RNF11: variants seen among roughly 807,000 people sequenced by gnomAD.
RNF11 encodes the protein ring finger protein 11.
In RNF11, 4 loss-of-function variants were observed where a neutral mutation model predicts 15.8. The observed-to-expected ratio is 0.25, with a 90% CI of 0.12 to 0.58. The LOEUF is 0.58. Among genes scored for constraint, RNF11 ranks in the 20% least tolerant of loss-of-function variants. The probability of loss-of-function intolerance (pLI) is 0.91; values close to 1 mark genes in which losing one functional copy is unlikely to be tolerated. For synonymous variants in RNF11, 68 were observed against 72.3 expected, an observed-to-expected ratio of 0.94 and a Z score of 0.30; for missense variants, 139 against 194.4, an observed-to-expected ratio of 0.71 and a Z score of 1.70.
At chr1:51,239,503 A>G (rs1646819425) in intron 1 of RNF11, among the ~76,000 whole-genome samples, 1 of 152,208 alleles carries the variant, frequency 6.6e-6, no homozygotes, top group Non-Finnish European at 1.5e-5. Flanking sequence ...CCCCAAAGAA[A>G]TAAGATCTGT....
intron 1 of RNF11, among the ~76,000 whole-genome samples, chr1:51,242,765 T>C (rs912013443): frequency 3.3e-5 from 5 of 152,166 alleles, no homozygotes; most frequent in Admixed American, 2.0e-4. Context: ...CTGCCTGTAA[T>C]GGTATATTAA....
rs145075866 is a variant in RNF11, at chr1:51,252,805, TTGTG to T, written c.123+15954_123+15957del. ...TCTTTTGTGAAGTCTTTTGTCCAGTTTGTGTGTGTGTGTGTGTGTGTGTGTGTGT... is the reference window on the plus strand; with the variant it reads ...TCTTTTGTGAAGTCTTTTGTCCAGTTTGTGTGTGTGTGTGTGTGTGTGTGT... On this transcript the variant is annotated intron_variant, in intron 1 of 2. Transcript: ENST00000242719. 8.5e-4 allele frequency among the ~76,000 whole-genome samples: 123 copies of T among 143,998 alleles called. No individual in the cohort carries two copies. The South Asian group carries it at 0.024, about 28-fold the overall frequency. The allele number at this position is 143,998 out of a possible 152,430, so 94.5% of individuals were successfully genotyped here.
intron 1 of RNF11, among the ~76,000 whole-genome samples, chr1:51,238,906 T>A (rs891904316): frequency 5.3e-5 from 8 of 152,132 alleles, no homozygotes; most frequent in Non-Finnish European, 8.8e-5. Context: ...ATTTTTGTAT[T>A]TTTAGTAAAG....
rs746135388 is a variant in RNF11, at chr1:51,236,725, C to T, written c.-32C>T. On this transcript the variant is annotated 5_prime_UTR_variant, in exon 1 of 3. Coordinates refer to ENST00000242719, the MANE Select transcript of RNF11 (RefSeq NM_014372.5). Reference sequence around the variant, plus strand: ...CGAACGACCCCACCGCTGCTTTCTCCTCCCCCAGATCACGCACCCCAGCTC... The same window carrying T: ...CGAACGACCCCACCGCTGCTTTCTCTTCCCCCAGATCACGCACCCCAGCTC... 3 of 1,607,494 alleles carry T rather than the reference C, an allele frequency of 1.9e-6. No homozygotes were observed. Among genetic ancestry groups the T allele is most frequent in the African/African-American group, 1.3e-5 (1 of 74,610 alleles).
At chr1:51,238,742 T>A (rs75838486) in intron 1 of RNF11, among the ~76,000 whole-genome samples, 1 of 151,872 alleles carries the variant, frequency 6.6e-6, no homozygotes, top group East Asian at 1.9e-4. Flanking sequence ...TTTTTTTTTT[T>A]AATGAGATGG....
intron 1 of RNF11, among the ~76,000 whole-genome samples, chr1:51,244,588 G>A (rs1160681877): frequency 3.3e-5 from 5 of 151,952 alleles, no homozygotes; most frequent in Admixed American, 6.6e-5. Context: ...GGGTTTCACC[G>A]TGGTCTTGAT....
intron 1 of RNF11, chr1:51,265,333 A>C (rs1447615656): frequency 2.6e-5 from 4 of 152,062 alleles, no homozygotes; most frequent in African/African-American, 9.7e-5. Context: ...CCAAAAAAAA[A>C]AAAAAAAAGA....
chr1:51,236,498 GCC>G lies in RNF11; in HGVS notation c.-247_-246del, dbSNP rs1157167039. 4,572 of 81,080 alleles carry G rather than the reference GCC, an allele frequency of 0.056. 112 individuals carry two copies. The highest frequency in any genetic ancestry group is 0.2 in the African/African-American group (4,002 of 20,270). 5.0% of individuals were successfully genotyped at this position (81,080 alleles called of 1,614,324 possible). On this transcript the variant is annotated 5_prime_UTR_variant, in exon 1 of 3. Coordinates refer to ENST00000242719, the MANE Select transcript of RNF11 (RefSeq NM_014372.5). ...GGGTGGGGAAGTGCTTCGTCTCCCC[GCC>G]CCCCCCCCCCCATCGCTGCCTCGCA...
chr1:51,257,400 A>G (rs1045007446), intron 1 of RNF11, among the ~76,000 whole-genome samples: 5 of 152,050 alleles, frequency 3.3e-5, no homozygotes, highest in East Asian at 1.9e-4. Flanking sequence ...GGTGGCCCCA[A>G]TTGGGTCCAC....
chr1:51,247,334 G>A (rs1245724049), intron 1 of RNF11, among the ~76,000 whole-genome samples: 1 of 152,122 alleles, frequency 6.6e-6, no homozygotes, highest in African/African-American at 2.4e-5. Flanking sequence ...TCCTGGTTCA[G>A]CCTCCCAAGT....
At position 51,251,111 on chromosome 1, in the gene RNF11, C is replaced by G; in HGVS notation, c.123+14232C>G. On this transcript the variant is annotated intron_variant, in intron 1 of 2. Transcript: ENST00000242719. ...CCCCGATAGCAACAAACGCCTTGAA[C>G]CTGGTGCGCTGGCCAGCACGGGTCT... 5 of 1,554,292 alleles carry G rather than the reference C, an allele frequency of 3.2e-6. No homozygotes were observed. The South Asian group carries it at 4.5e-5, about 14-fold the overall frequency.
At chr1:51,255,198 G>A (rs1646899054) in intron 1 of RNF11, among the ~76,000 whole-genome samples, 1 of 152,122 alleles carries the variant, frequency 6.6e-6, no homozygotes, top group African/African-American at 2.4e-5. Context: ...CATGCAATGT[G>A]TACATTATAG....
intron 1 of RNF11, among the ~76,000 whole-genome samples, chr1:51,262,066 G>A (rs1320767537): frequency 6.6e-6 from 1 of 152,174 alleles, no homozygotes; most frequent in East Asian, 1.9e-4. Flanking sequence ...TGTTGGCCAG[G>A]CTGGTCTCGA....
At chr1:51,238,599 G>C (rs557874848) in intron 1 of RNF11, among the ~76,000 whole-genome samples, 2 of 152,180 alleles carry the variant, frequency 1.3e-5, no homozygotes, top group African/African-American at 4.8e-5. Flanking sequence ...AGTTGTCACA[G>C]GGTAGTCTCT....
chr1:51,243,226 C>T (rs2148065296), intron 1 of RNF11, among the ~76,000 whole-genome samples: 1 of 152,178 alleles, frequency 6.6e-6, no homozygotes, highest in East Asian at 1.9e-4. Flanking sequence ...AGAATGTTAC[C>T]TTCCATATTG....
At chr1:51,264,142 A>C (rs1297096219) in intron 1 of RNF11, among the ~76,000 whole-genome samples, 4 of 150,682 alleles carry the variant, frequency 2.7e-5, no homozygotes, top group African/African-American at 9.8e-5. Flanking sequence ...CTGTAGTCCC[A>C]GCTACTCAGG....
At chr1:51,251,991 A>G (rs547709564) in intron 1 of RNF11, among the ~76,000 whole-genome samples, 1 of 145,560 alleles carries the variant, frequency 6.9e-6, no homozygotes, top group African/African-American at 2.5e-5. Flanking sequence ...AGGCAAGAGA[A>G]TTGCTTGAAT....
chr1:51,243,136 G>A (rs2148065248), intron 1 of RNF11, among the ~76,000 whole-genome samples: 1 of 151,998 alleles, frequency 6.6e-6, no homozygotes, highest in East Asian at 1.9e-4. Context: ...AGCTTTTGTT[G>A]CTTTAACAGT....
At position 51,236,899 on chromosome 1, in the gene RNF11, G is replaced by C. The variant is rs1569645121; in HGVS notation, c.123+20G>C. On this transcript the variant is annotated intron_variant, in intron 1 of 2. Coordinates refer to ENST00000242719, the MANE Select transcript of RNF11 (RefSeq NM_014372.5). ...TATCAGGTAGGGGAGGGTGTGTGTT[G>C]GGGGGAGCGAGTAGAGGCAGCTCTG... 1.6e-5 allele frequency: 26 copies of C among 1,598,734 alleles called. No homozygotes were observed. The highest frequency in any genetic ancestry group is 8.1e-5 in the African/African-American group (6 of 74,438).
Sources: gnomAD v4.1 joint callset for allele counts (sites outside exome capture counted in the v4.1 genomes callset) on GRCh38, gnomAD v4.1.1 for gene constraint, MANE v1.5 for transcripts, NCBI Gene and HGNC (gene_info 2026-07-23, HGNC 2026-07-21) for gene names.